Variants in LIN28B observed in about 807,000 individuals in gnomAD.
LIN28B encodes the protein protein lin-28 homolog B.
LIN28B carries 5 observed loss-of-function variants against 21.9 expected under a neutral mutation model. The ratio of observed to expected loss-of-function variants is 0.23; its 90% CI spans 0.12 to 0.48. LIN28B has a LOEUF of 0.48. Ranked by LOEUF, LIN28B falls within the 20% of genes least tolerant of loss-of-function variation. The probability of loss-of-function intolerance (pLI) is 0.98; values close to 1 mark genes in which losing one functional copy is unlikely to be tolerated. For missense variants in LIN28B, 245 were observed against 310.5 expected, an observed-to-expected ratio of 0.79 and a Z score of 1.58; for synonymous variants, 109 against 111.3, an observed-to-expected ratio of 0.98 and a Z score of 0.13.
At chr6:105,055,979 C>T (rs1772014461) in intron 3 of LIN28B, among the ~76,000 whole-genome samples, 1 of 137,222 alleles carries the variant, frequency 7.3e-6, no homozygotes, top group Non-Finnish European at 1.5e-5. Flanking sequence ...CCAGGCTGGA[C>T]TGAACTCCTG....
At position 105,079,520 on chromosome 6, in the gene LIN28B, A is replaced by G. The variant is rs1772499954; in HGVS notation, c.*737A>G. 6.6e-6 allele frequency: 1 copy of G among 152,590 alleles called. No individual in the cohort carries two copies. Among genetic ancestry groups the G allele is most frequent in the Admixed American group, 6.6e-5 (1 of 15,266 alleles). The allele number at this position is 152,590 out of a possible 1,614,324, so 9.5% of individuals were successfully genotyped here. A position where few individuals can be genotyped will look rare whatever the true frequency, so the allele number is the denominator to read the frequency against. ...CAATGAATGTGTAATTTGGGCCGAT[A>G]TTTCACTGTTTTAAATTCTGTGTTT... On this transcript the variant is annotated 3_prime_UTR_variant, in exon 4 of 4. Transcript: ENST00000345080.
intron 2 of LIN28B, among the ~76,000 whole-genome samples, chr6:104,983,600 G>A (rs970390170): frequency 6.6e-6 from 1 of 152,092 alleles, no homozygotes; most frequent in African/African-American, 2.4e-5. Context: ...TTTGGAGACG[G>A]AGTTTCGCTC....
intron 3 of LIN28B, among the ~76,000 whole-genome samples, chr6:105,047,564 C>T (rs561495194): frequency 2.0e-5 from 3 of 151,974 alleles, no homozygotes; most frequent in East Asian, 1.9e-4. Context: ...GAAAGTCATT[C>T]GTAGCTTGAT....
intron 2 of LIN28B, among the ~76,000 whole-genome samples, chr6:105,001,488 T>G (rs1189574253): frequency 1.3e-5 from 2 of 152,238 alleles, no homozygotes; most frequent in Admixed American, 1.3e-4. Flanking sequence ...ATTTGGAGAC[T>G]AATAATCGCT....
chr6:105,064,906 G>A (rs906027257), intron 3 of LIN28B, among the ~76,000 whole-genome samples: 18 of 152,192 alleles, frequency 1.2e-4, no homozygotes, highest in South Asian at 2.1e-4. Context: ...TTAAGGAACT[G>A]TACTCATAAT....
chr6:104,999,991 C>T (rs955227716), intron 2 of LIN28B, among the ~76,000 whole-genome samples: 10 of 152,106 alleles, frequency 6.6e-5, no homozygotes, highest in Non-Finnish European at 1.3e-4. Context: ...CTTTGATTTC[C>T]TTGGCACTCC....
intron 3 of LIN28B, among the ~76,000 whole-genome samples, chr6:105,035,656 C>A (rs1036911023): frequency 6.6e-6 from 1 of 152,156 alleles, no homozygotes. Context: ...AAAGTTTAAT[C>A]ACTATGGTTT....
chr6:105,044,739 G>A (rs918147645), intron 3 of LIN28B, among the ~76,000 whole-genome samples: 33 of 152,280 alleles, frequency 2.2e-4, no homozygotes, highest in Non-Finnish European at 1.3e-4. Context: ...AGGGGTACAA[G>A]TGGCTTTTGG....
intron 3 of LIN28B, among the ~76,000 whole-genome samples, chr6:105,075,675 A>G (rs1772410924): frequency 6.6e-6 from 1 of 152,204 alleles, no homozygotes; most frequent in Non-Finnish European, 1.5e-5. Context: ...TATAGCCCAA[A>G]TCTAATGGTA....
chr6:105,058,749 G>A (rs566600342), intron 3 of LIN28B, among the ~76,000 whole-genome samples: 5 of 152,146 alleles, frequency 3.3e-5, no homozygotes, highest in Non-Finnish European at 7.4e-5. Flanking sequence ...TGTATGTAAT[G>A]TAATTATGTT....
intron 2 of LIN28B, among the ~76,000 whole-genome samples, chr6:104,979,591 T>TAA (rs879363021): frequency 1.4e-5 from 2 of 145,084 alleles, no homozygotes; most frequent in African/African-American, 5.0e-5. Context: ...TTTTTCTTGT[T>TAA]AAAAAAAAAA....
chr6:105,006,195 C>A (rs1387977634), intron 2 of LIN28B, among the ~76,000 whole-genome samples: 1 of 152,122 alleles, frequency 6.6e-6, no homozygotes, highest in Non-Finnish European at 1.5e-5. Flanking sequence ...GGATTGCCAA[C>A]CAGTATATTT....
At chr6:105,000,188 C>G (rs1271139273) in intron 2 of LIN28B, among the ~76,000 whole-genome samples, 1 of 151,924 alleles carries the variant, frequency 6.6e-6, no homozygotes, top group Non-Finnish European at 1.5e-5. Context: ...TGCATGTTAT[C>G]TTCCTAAATG....
Position 105,069,269 on chromosome 6 carries a change from C to T in LIN28B, c.384-9145C>T, listed in dbSNP as rs940959133. Reference sequence around the variant, plus strand: ...AACAGAATTTGGCCATGGAGAGAAACGTTTGCAAGAGCATGTCCATACTAA... The same window carrying T: ...AACAGAATTTGGCCATGGAGAGAAATGTTTGCAAGAGCATGTCCATACTAA... On this transcript the variant is annotated intron_variant, in intron 3 of 3. Transcript: ENST00000345080. Among the ~76,000 whole-genome samples, 4 of 152,018 alleles carry T rather than the reference C, an allele frequency of 2.6e-5. No homozygotes were observed. The South Asian group carries it at 6.2e-4, about 24-fold the overall frequency.
intron 2 of LIN28B, among the ~76,000 whole-genome samples, chr6:104,949,997 A>G (rs1015981120): frequency 6.6e-6 from 1 of 152,180 alleles, no homozygotes; most frequent in African/African-American, 2.4e-5. Flanking sequence ...CCCAATATCT[A>G]TTTTATAGTA....
intron 3 of LIN28B, among the ~76,000 whole-genome samples, chr6:105,047,289 T>G (rs920195364): frequency 4.6e-5 from 7 of 152,268 alleles, no homozygotes; most frequent in African/African-American, 1.2e-4. Flanking sequence ...TTTCCCCATT[T>G]CTTGTTTTTG....
intron 2 of LIN28B, among the ~76,000 whole-genome samples, chr6:105,019,776 T>C (rs941176040): frequency 6.6e-6 from 1 of 152,214 alleles, no homozygotes; most frequent in Non-Finnish European, 1.5e-5. Context: ...TGCTGATGCA[T>C]CTCTCATTCT....
chr6:104,988,569 A>ATTTTT (rs369912825), intron 2 of LIN28B, among the ~76,000 whole-genome samples: 2 of 127,128 alleles, frequency 1.6e-5, no homozygotes, highest in Non-Finnish European at 3.2e-5. Flanking sequence ...GACTACCTAG[A>ATTTTT]TTTTTTTTTT....
intron 2 of LIN28B, among the ~76,000 whole-genome samples, chr6:104,938,498 G>A (rs1010587648): frequency 6.6e-6 from 1 of 151,960 alleles, no homozygotes; most frequent in South Asian, 2.1e-4. Context: ...AATTAGCTGC[G>A]TGTGGTAGAG....
Sources: gnomAD v4.1 joint callset for allele counts (sites outside exome capture counted in the v4.1 genomes callset) on GRCh38, gnomAD v4.1.1 for gene constraint, MANE v1.5 for transcripts, NCBI Gene and HGNC (gene_info 2026-07-23, HGNC 2026-07-21) for gene names.